PAFAH2: variants seen among roughly 807,000 people sequenced by gnomAD.
The protein encoded by PAFAH2 is platelet activating factor acetylhydrolase 2, also known as platelet-activating factor acetylhydrolase 2, cytoplasmic.
Under a neutral mutation model 49.0 loss-of-function variants are expected in PAFAH2, and 42 were observed. The ratio of observed to expected loss-of-function variants is 0.86; its 90% CI spans 0.67 to 1.11. The LOEUF (loss-of-function observed/expected upper bound fraction) is 1.11. Among genes scored for constraint, PAFAH2 ranks in the 50% least tolerant of loss-of-function variants. PAFAH2 has a pLI of 0.00. For missense variants in PAFAH2, 503 were observed against 501.8 expected (o/e 1.00, Z -0.02); for synonymous variants, 184 against 181.3 (o/e 1.01, Z -0.12).
chr1:25,997,808 T>TG (rs1302526597), intron 1 of PAFAH2, among the ~76,000 whole-genome samples: 1 of 151,714 alleles, frequency 6.6e-6, no homozygotes, highest in Admixed American at 6.6e-5. Context: ...GGGAGCTCAG[T>TG]GGGGATTCCA....
At chr1:25,987,963 G>C (rs1365842820) in intron 4 of PAFAH2, among the ~76,000 whole-genome samples, 1 of 152,108 alleles carries the variant, frequency 6.6e-6, no homozygotes, top group Non-Finnish European at 1.5e-5. Context: ...CTATCACATA[G>C]GAGGAAAGCT....
rs747083780 is a variant in PAFAH2, at chr1:25,988,213, G to C, written c.341+18C>G. ...CAGGCAAGGAGTATGGCAAGGTCTG[G>C]GGGAAAGAAGCTCTTACCTGAAGGC... is the stretch of plus-strand genomic sequence containing the variant. On this transcript the variant is annotated intron_variant, in intron 4 of 10. Coordinates refer to ENST00000374282, the MANE Select transcript of PAFAH2 (RefSeq NM_000437.4). The C allele has an allele frequency of 6.5e-6, 10 of 1,537,960 alleles. No homozygotes were observed. Among genetic ancestry groups the C allele is most frequent in the Non-Finnish European group, 8.9e-6 (10 of 1,124,704 alleles).
chr1:25,970,556 A>G (rs1192766441), intron 10 of PAFAH2, among the ~76,000 whole-genome samples: 1 of 152,052 alleles, frequency 6.6e-6, no homozygotes, highest in Non-Finnish European at 1.5e-5. Context: ...CATCTAATAC[A>G]TTATAGTCAA....
intron 7 of PAFAH2, among the ~76,000 whole-genome samples, chr1:25,980,994 AT>A (rs1352052013): frequency 6.6e-6 from 1 of 152,158 alleles, no homozygotes; most frequent in Non-Finnish European, 1.5e-5. Context: ...TCTCAAAAAA[AT>A]AAATAAATAA....
At chr1:25,969,154 T>C (rs539611710) in intron 10 of PAFAH2, among the ~76,000 whole-genome samples, 1 of 152,258 alleles carries the variant, frequency 6.6e-6, no homozygotes, top group South Asian at 2.1e-4. Flanking sequence ...AACAATTCAC[T>C]CTCCTGAGCT....
intron 10 of PAFAH2, among the ~76,000 whole-genome samples, chr1:25,970,937 G>C (rs909966723): frequency 2.6e-5 from 4 of 152,096 alleles, no homozygotes; most frequent in African/African-American, 9.7e-5. Context: ...GACTCCAAAG[G>C]AAGGGGATAA....
At chr1:25,974,078 A>C (rs559382825) in intron 9 of PAFAH2, among the ~76,000 whole-genome samples, 1 of 152,324 alleles carries the variant, frequency 6.6e-6, no homozygotes, top group South Asian at 2.1e-4. Flanking sequence ...GGTATTCATG[A>C]AGGTCTCTAG....
At chr1:25,973,268 A>G (rs2049537262) in intron 9 of PAFAH2, among the ~76,000 whole-genome samples, 1 of 152,204 alleles carries the variant, frequency 6.6e-6, no homozygotes, top group African/African-American at 2.4e-5. Flanking sequence ...TTGGCAGAAA[A>G]TAAATTTAAT....
At chr1:25,987,588 A>T (rs2049801746) in intron 4 of PAFAH2, among the ~76,000 whole-genome samples, 1 of 152,134 alleles carries the variant, frequency 6.6e-6, no homozygotes, top group Non-Finnish European at 1.5e-5. Flanking sequence ...TGTTAAATAA[A>T]TGACTCTTGG....
rs758767046 is a variant in PAFAH2, at chr1:25,974,634, C to G, written c.775G>C (p.Asp259His). Residue 259 changes from aspartate (D) to histidine (H), a missense_variant, in exon 9 of 11, where the codon GAT becomes CAT. Transcript: ENST00000374282. Reference sequence around the variant, plus strand: ...CGTTCCAGAGGAAACATCCAAGCATCCAGAGCCACCGCACACCTGGAATAG... The same window carrying G: ...CGTTCCAGAGGAAACATCCAAGCATGCAGAGCCACCGCACACCTGGAATAG... ...ETQFRCAVAL[D>H]AWMFPLERDF... is the part of the protein sequence containing the mutation. 1.2e-6 allele frequency: 2 copies of G among 1,613,664 alleles called. No homozygotes were observed. The highest frequency in any genetic ancestry group is 1.7e-5 in the Admixed American group (1 of 59,950).
Position 25,960,553 on chromosome 1 carries a change from C to A in PAFAH2, c.*1436G>T, listed in dbSNP as rs1368455761. The A allele has an allele frequency of 6.6e-6, 1 of 152,590 alleles. No homozygotes were observed. The highest frequency in any genetic ancestry group is 1.5e-5 in the Non-Finnish European group (1 of 68,026). 9.5% of individuals were successfully genotyped at this position (152,590 alleles called of 1,614,324 possible). A position where few individuals can be genotyped will look rare whatever the true frequency, so the allele number is the denominator to read the frequency against. On this transcript the variant is annotated 3_prime_UTR_variant, in exon 11 of 11. Transcript: ENST00000374282. ...CTGCAGATTAAACAGAAAATTCCAA[C>A]ATAACATTAAGCAAACAAGAGTATT...
intron 9 of PAFAH2, among the ~76,000 whole-genome samples, chr1:25,973,829 A>G (rs298441): frequency 0.8 from 121,709 of 152,132 alleles, 49,405 homozygotes; most frequent in East Asian, 0.92. Context: ...CGCTGGGCTC[A>G]ACTGCAGGGC....
At chr1:25,992,105 AT>A (rs11327055) in intron 1 of PAFAH2, among the ~76,000 whole-genome samples, 81,631 of 151,822 alleles carry the variant, frequency 0.54, 24,948 homozygotes, top group East Asian at 0.7. Context: ...AAACCGTTTG[AT>A]TTTTTTGAGA....
intron 7 of PAFAH2, 80 bp from the exon 8 acceptor site, chr1:25,976,853 A>G: frequency 8.7e-7 from 1 of 1,153,724 alleles, no homozygotes; most frequent in South Asian, 1.3e-5. Flanking sequence ...AGAGGAAGAA[A>G]TAGTGAGGCA....
intron 10 of PAFAH2, among the ~76,000 whole-genome samples, chr1:25,963,748 G>T (rs369559833): frequency 6.6e-6 from 1 of 152,166 alleles, no homozygotes; most frequent in Non-Finnish European, 1.5e-5. Flanking sequence ...TGATCCGCCC[G>T]CCTCGGCCTC....
intron 10 of PAFAH2, among the ~76,000 whole-genome samples, chr1:25,970,521 G>A (rs2049490537): frequency 6.6e-6 from 1 of 152,148 alleles, no homozygotes; most frequent in Non-Finnish European, 1.5e-5. Flanking sequence ...AGAAGAGACT[G>A]TCCAGGATGG....
chr1:25,973,820 G>A (rs1270264839), intron 9 of PAFAH2, among the ~76,000 whole-genome samples: 2 of 152,170 alleles, frequency 1.3e-5, no homozygotes, highest in African/African-American at 4.8e-5. Context: ...CCTGTGTGCC[G>A]CTGGGCTCAA....
At chr1:25,983,120 G>A (rs1485102471) in intron 6 of PAFAH2, among the ~76,000 whole-genome samples, 10 of 152,138 alleles carry the variant, frequency 6.6e-5, no homozygotes, top group African/African-American at 9.7e-5. Context: ...ACTGGGTGCC[G>A]TGGCTCACAC....
At chr1:25,985,324 T>C (rs12240057) in intron 4 of PAFAH2, among the ~76,000 whole-genome samples, 4,088 of 152,290 alleles carry the variant, frequency 0.027, 178 homozygotes, top group African/African-American at 0.088. Context: ...TGGTTAGGTA[T>C]TTAACTGCAC....
Sources: gnomAD v4.1 joint callset for allele counts (sites outside exome capture counted in the v4.1 genomes callset) on GRCh38, gnomAD v4.1.1 for gene constraint, MANE v1.5 for transcripts, NCBI Gene and HGNC (gene_info 2026-07-23, HGNC 2026-07-21) for gene names.